The following CYP4Z1 variants were observed in gnomAD, a reference collection of about 807,000 sequenced individuals.
CYP4Z1 encodes cytochrome P450 family 4 subfamily Z member 1.
CYP4Z1 carries 41 observed loss-of-function variants against 54.2 expected under a neutral mutation model. That is an observed-to-expected ratio of 0.76 (90% CI 0.59 to 0.98). The LOEUF (loss-of-function observed/expected upper bound fraction) is 0.98, where lower values mean the gene tolerates loss of function less well. CYP4Z1 is among the 50% of genes least tolerant of loss of function. The pLI, the probability that CYP4Z1 is intolerant of heterozygous loss-of-function variation, is 0.00. For synonymous variants in CYP4Z1, 163 were observed against 206.2 expected, an observed-to-expected ratio of 0.79 and a Z score of 1.79; for missense variants, 513 against 599.0, an observed-to-expected ratio of 0.86 and a Z score of 1.50.
chr1:47,115,109 T>C (rs1307480983), intron 9 of CYP4Z1, among the ~76,000 whole-genome samples: 1 of 152,216 alleles, frequency 6.6e-6, no homozygotes, highest in East Asian at 1.9e-4. Context: ...TGGAATACTA[T>C]GCAGCCATAA....
chr1:47,094,592 T>A lies in CYP4Z1; in HGVS notation c.799T>A (p.Ser267Thr). 1 of 1,598,800 alleles carries A rather than the reference T, an allele frequency of 6.3e-7. No homozygotes were observed. ...GAAAGTAATCCAGGACCGGAAGGAG[T>A]CTCTTAAGGATAAGCTAAAACAAGA... ...TEKVIQDRKE[S>T]LKDKLKQDTT... Residue 267 changes from serine (S) to threonine (T), a missense_variant, in exon 7 of 12, where the codon TCT becomes ACT. Transcript: ENST00000334194.
chr1:47,085,606 T>G (rs1294100709), intron 6 of CYP4Z1, among the ~76,000 whole-genome samples: 1 of 152,204 alleles, frequency 6.6e-6, no homozygotes, highest in Non-Finnish European at 1.5e-5. Flanking sequence ...CTTTGGTTAG[T>G]ATTTTGATAG....
At chr1:47,099,746 AATG>A (rs1428315471) in intron 8 of CYP4Z1, among the ~76,000 whole-genome samples, 1 of 152,184 alleles carries the variant, frequency 6.6e-6, no homozygotes, top group Non-Finnish European at 1.5e-5. Flanking sequence ...GCCACCCCAC[AATG>A]ATGATTAACC....
In CYP4Z1 at chr1:47,084,609, C is replaced by G. The variant is rs1380690290; in HGVS notation, c.493-11C>G. On this transcript the variant is annotated splice_polypyrimidine_tract_variant and intron_variant, in intron 4 of 11. Coordinates refer to ENST00000334194, the MANE Select transcript of CYP4Z1 (RefSeq NM_178134.3). ...CATGTGTATGATCATGATATTCATC[C>G]CCTGCCCCAGAACAAATGGGAGGAA... 2 of 1,560,962 alleles carry G rather than the reference C, an allele frequency of 1.3e-6. No individual in the cohort carries two copies. The highest frequency in any genetic ancestry group is 1.7e-6 in the Non-Finnish European group (2 of 1,154,472).
chr1:47,079,805 G>T (rs1272118630), intron 2 of CYP4Z1, among the ~76,000 whole-genome samples: 1 of 150,764 alleles, frequency 6.6e-6, no homozygotes, highest in African/African-American at 2.4e-5. Context: ...TGAGGTGTCT[G>T]TGTGGTACAC....
At chr1:47,062,771 AGACGAAGGTCAT>A (rs1644430835), upstream of CYP4Z1, among the ~76,000 whole-genome samples, 1 of 151,952 alleles carries the variant, frequency 6.6e-6, no homozygotes, top group Non-Finnish European at 1.5e-5. Flanking sequence ...TGGTAGCCAA[AGACGAAGGTCAT>A]AATCACTTGG....
chr1:47,074,480 G>T (rs1000007975), intron 2 of CYP4Z1, among the ~76,000 whole-genome samples: 1 of 152,062 alleles, frequency 6.6e-6, no homozygotes, highest in African/African-American at 2.4e-5. Flanking sequence ...GCAATGATGT[G>T]ATTTCATTGT....
intron 4 of CYP4Z1, among the ~76,000 whole-genome samples, chr1:47,083,800 G>A (rs544458678): frequency 3.3e-5 from 5 of 152,108 alleles, no homozygotes; most frequent in Admixed American, 3.3e-4. Flanking sequence ...TCCTTGCAAT[G>A]CCCTTACCCA....
intron 6 of CYP4Z1, among the ~76,000 whole-genome samples, chr1:47,087,709 TG>T (rs893212168): frequency 1.3e-5 from 2 of 152,234 alleles, no homozygotes; most frequent in Non-Finnish European, 2.9e-5. Context: ...CTGATTGCCC[TG>T]GCCAGAACTT....
the CYP4Z1 span, among the ~76,000 whole-genome samples, chr1:47,058,682 G>A: frequency 6.6e-6 from 1 of 151,938 alleles, no homozygotes; most frequent in Non-Finnish European, 1.5e-5. Context: ...GTAAACACAT[G>A]TATATTCCTG....
chr1:47,109,284 C>G (rs1448263477), intron 9 of CYP4Z1, among the ~76,000 whole-genome samples: 6 of 152,050 alleles, frequency 3.9e-5, no homozygotes, highest in Non-Finnish European at 8.8e-5. Flanking sequence ...CCAAATTAAA[C>G]AAGAAGAGAA....
chr1:47,063,539 A>G (rs1399185302), upstream of CYP4Z1, among the ~76,000 whole-genome samples: 3 of 152,004 alleles, frequency 2.0e-5, no homozygotes, highest in East Asian at 5.8e-4. Context: ...AGATTGCACA[A>G]ATAAAAAACA....
chr1:47,086,594 G>A (rs1482604504), intron 6 of CYP4Z1, among the ~76,000 whole-genome samples: 2 of 151,942 alleles, frequency 1.3e-5, no homozygotes, highest in Non-Finnish European at 2.9e-5. Context: ...CTGGATATTA[G>A]CCCTTTGTCA....
chr1:47,101,568 C>T (rs1256073112), intron 8 of CYP4Z1, among the ~76,000 whole-genome samples: 2 of 151,988 alleles, frequency 1.3e-5, no homozygotes, highest in Non-Finnish European at 2.9e-5. Flanking sequence ...TAGAGTTCCT[C>T]TTATTATTGA....
chr1:47,092,560 T>C (rs1432657241), intron 6 of CYP4Z1, among the ~76,000 whole-genome samples: 1 of 151,834 alleles, frequency 6.6e-6, no homozygotes, highest in African/African-American at 2.4e-5. Context: ...TAAAAAGTGC[T>C]TCCTTTTCCA....
intron 2 of CYP4Z1, 93 bp downstream of exon 2, chr1:47,068,856 T>G (rs1644471780): frequency 1.4e-6 from 2 of 1,480,176 alleles, no homozygotes; most frequent in African/African-American, 2.8e-5. Flanking sequence ...GAAGCATTTT[T>G]AAGGGAAATC....
At chr1:47,056,673 A>T in the CYP4Z1 span, among the ~76,000 whole-genome samples, 2 of 152,156 alleles carry the variant, frequency 1.3e-5, no homozygotes, top group Non-Finnish European at 2.9e-5. Context: ...ACCATTATGT[A>T]ATGGCCTTCT....
chr1:47,089,414 A>G (rs1644622148), intron 6 of CYP4Z1, among the ~76,000 whole-genome samples: 1 of 152,068 alleles, frequency 6.6e-6, no homozygotes, highest in Admixed American at 6.6e-5. Context: ...GAATTTTACA[A>G]CCAGAATTCC....
intron 2 of CYP4Z1, among the ~76,000 whole-genome samples, chr1:47,076,539 T>C (rs1045158034): frequency 2.6e-5 from 4 of 152,070 alleles, no homozygotes; most frequent in Non-Finnish European, 5.9e-5. Context: ...TCCTTGTCCC[T>C]TTGGTTGTTT....
Sources: allele counts gnomAD v4.1 joint callset (sites outside exome capture counted in the v4.1 genomes callset), GRCh38; gene constraint gnomAD v4.1.1; transcripts MANE v1.5; gene names NCBI Gene and HGNC (gene_info 2026-07-23, HGNC 2026-07-21).